TXNRD1: variants seen among roughly 807,000 people sequenced by gnomAD.
The protein encoded by TXNRD1 is thioredoxin reductase 1, cytoplasmic.
A neutral mutation model predicts 80.3 loss-of-function variants in TXNRD1; 57 were observed. The ratio of observed to expected loss-of-function variants is 0.71; its 90% CI spans 0.57 to 0.89. The LOEUF (loss-of-function observed/expected upper bound fraction) is 0.89, where lower values mean the gene tolerates loss of function less well. Among genes scored for constraint, TXNRD1 ranks in the 40% least tolerant of loss-of-function variants. The pLI is 0.00. For synonymous variants in TXNRD1, 291 were observed against 285.2 expected (o/e 1.02, Z -0.20); for missense variants, 730 against 803.0 (o/e 0.91, Z 1.10).
rs567569320 is a variant in TXNRD1 at position 104,296,715 on chromosome 12, G to A, written c.414+7675G>A. Among the ~76,000 whole-genome samples the A allele has an allele frequency of 5.7e-4, 87 of 152,316 alleles. No homozygotes were observed. In the South Asian group the frequency reaches 8.1e-3, roughly 14 times the overall value. The stretch of plus-strand genomic sequence containing the variant: ...TAGGGCCAGAAGAGACTCACTTAAA[G>A]GATTTAGCTCTAAGGTATCTGGTTT... On this transcript the variant is annotated intron_variant, in intron 4 of 16. Transcript: ENST00000525566.
chr12:104,229,143 T>C (rs2032546567), intron 1 of TXNRD1, among the ~76,000 whole-genome samples: 1 of 125,756 alleles, frequency 8.0e-6, no homozygotes, highest in Admixed American at 9.3e-5. Context: ...GCATTACTTT[T>C]CTTTTTTTTT....
chr12:104,241,108 C>T (rs1366196428), intron 1 of TXNRD1, among the ~76,000 whole-genome samples: 8 of 151,280 alleles, frequency 5.3e-5, no homozygotes, highest in Non-Finnish European at 1.0e-4. Context: ...GGCATGGTCT[C>T]GGCTCACTGC....
intron 2 of TXNRD1, 63 bp downstream of exon 2, chr12:104,251,741 A>C: frequency 2.9e-5 from 45 of 1,566,366 alleles, no homozygotes; most frequent in Non-Finnish European, 3.8e-5. Context: ...TTTTGAGCTC[A>C]AATGTAAACA....
At chr12:104,216,624 T>C (rs1292520520) in intron 1 of TXNRD1, among the ~76,000 whole-genome samples, 1 of 152,196 alleles carries the variant, frequency 6.6e-6, no homozygotes, top group Non-Finnish European at 1.5e-5. Context: ...GAGAGATTTA[T>C]CATAAACCCC....
intron 7 of TXNRD1, among the ~76,000 whole-genome samples, chr12:104,317,638 C>T (rs2035377888): frequency 2.0e-5 from 3 of 152,024 alleles, no homozygotes; most frequent in Non-Finnish European, 2.9e-5. Context: ...ACCAGAAGTT[C>T]GAGACTACCT....
In TXNRD1 at chr12:104,318,971, T is replaced by A; in HGVS notation, c.789T>A (p.Asn263Lys). The change falls in exon 8 of 17, where the codon AAT becomes AAA. Residue 263 changes from asparagine (N) to lysine (K), a missense_variant. Coordinates refer to ENST00000525566, the MANE Select transcript of TXNRD1 (RefSeq NM_001093771.3). ...TACAGAATCACATTGGCTCTTTGAA[T>A]TGGGGCTACCGAGTAGCTCTGCGGG... Reference protein sequence around the residue: ...EAVQNHIGSLNWGYRVALREK... With the variant: ...EAVQNHIGSLKWGYRVALREK... The A allele has an allele frequency of 6.2e-7, 1 of 1,613,988 alleles. No individual in the cohort carries two copies. The highest frequency in any genetic ancestry group is 2.2e-5 in the East Asian group (1 of 44,872).
chr12:104,313,299 C>A lies in TXNRD1; in HGVS notation c.592C>A (p.Pro198Thr), dbSNP rs866003550. 1.3e-6 allele frequency: 2 copies of A among 1,590,622 alleles called. No homozygotes were observed. Among genetic ancestry groups the A allele is most frequent in the East Asian group, 2.3e-5 (1 of 44,380 alleles). ...VMVLDFVTPT[P>T]LGTRWGLGGT... ...GGTCCTGGACTTTGTCACTCCCACC[C>A]CTCTTGGAACTAGATGGGGTAAGCT... The change falls in exon 6 of 17, where the codon CCT becomes ACT. Residue 198 changes from proline (P) to threonine (T), a missense_variant. By Grantham distance (38) the Pro-to-Thr change is conservative (BLOSUM62 -1). Coordinates refer to ENST00000525566, the MANE Select transcript of TXNRD1 (RefSeq NM_001093771.3).
At chr12:104,346,653 A>T (rs1393478649) in intron 16 of TXNRD1, among the ~76,000 whole-genome samples, 1 of 151,978 alleles carries the variant, frequency 6.6e-6, no homozygotes, top group African/African-American at 2.4e-5. Flanking sequence ...CCTCATCTGT[A>T]CTCCTACATT....
Position 104,319,499 on chromosome 12 carries a change from T to G in TXNRD1, c.903T>G (p.Ile301Met), listed in dbSNP as rs1261112283. The G allele has an allele frequency of 6.3e-7, 1 of 1,594,536 alleles. No homozygotes were observed. Among genetic ancestry groups the G allele is most frequent in the Non-Finnish European group, 8.5e-7 (1 of 1,170,206 alleles). Residue 301 changes from isoleucine to methionine, a missense_variant, in exon 9 of 17, where the codon ATT becomes ATG. By Grantham distance (10) the Ile-to-Met change is conservative. Coordinates refer to ENST00000525566, the MANE Select transcript of TXNRD1 (RefSeq NM_001093771.3). Reference sequence around the variant, plus strand: ...CAAATAATAAAGGCAAAGAAAAAATTTATTCAGCAGAGAGATTTCTCATTG... The same window carrying G: ...CAAATAATAAAGGCAAAGAAAAAATGTATTCAGCAGAGAGATTTCTCATTG... ...KATNNKGKEK[I>M]YSAERFLIAT...
Position 104,242,997 on chromosome 12 carries a change from C to T in TXNRD1, c.92-8530C>T, listed in dbSNP as rs576172892. On this transcript the variant is annotated intron_variant, in intron 1 of 16. Coordinates refer to ENST00000525566, the MANE Select transcript of TXNRD1 (RefSeq NM_001093771.3). ...TGGGAATTCTTGGCTAGGACCCCAA[C>T]ATAACTAAGGTTTAATCTTAACCTT... is the stretch of plus-strand genomic sequence containing the variant. Among the ~76,000 whole-genome samples, 16 of 152,264 alleles carry T rather than the reference C, an allele frequency of 1.1e-4. No homozygotes were observed. The East Asian group carries it at 2.5e-3, about 24-fold the overall frequency.
chr12:104,336,988 A>G (rs2036160957), intron 15 of TXNRD1, among the ~76,000 whole-genome samples: 2 of 148,592 alleles, frequency 1.3e-5, no homozygotes, highest in Non-Finnish European at 3.1e-5. Flanking sequence ...CAAAAGGTAA[A>G]ACTTTGAAGT....
chr12:104,339,538 C>T (rs12299637), intron 16 of TXNRD1: 1 of 551,536 alleles, frequency 1.8e-6, no homozygotes, highest in African/African-American at 1.9e-5. Context: ...ATCATATCTT[C>T]TAAATTATTT....
Position 104,290,720 on chromosome 12 carries a change from CATATATATATATATATATAT to C in TXNRD1, c.414+1699_414+1718del, listed in dbSNP as rs58669975. Reference sequence around the variant, plus strand: ...TCAAAAAAAAAAAAAAAGAAATATACATATATATATATATATATATATATATATATATATATATGTATATT... The same window carrying C: ...TCAAAAAAAAAAAAAAAGAAATATACATATATATATATATATATGTATATT... On this transcript the variant is annotated intron_variant, in intron 4 of 16. Coordinates refer to ENST00000525566, the MANE Select transcript of TXNRD1 (RefSeq NM_001093771.3). Among the ~76,000 whole-genome samples, 57 of 55,858 alleles carry C rather than the reference CATATATATATATATATATAT, an allele frequency of 1.0e-3. 4 individuals carry two copies. Among genetic ancestry groups the C allele is most frequent in the South Asian group, 3.7e-3 (5 of 1,340 alleles). 36.6% of individuals were successfully genotyped at this position (55,858 alleles called of 152,430 possible).
chr12:104,224,013 C>G (rs1037788410), intron 1 of TXNRD1, among the ~76,000 whole-genome samples: 1 of 152,314 alleles, frequency 6.6e-6, no homozygotes, highest in African/African-American at 2.4e-5. Context: ...TAACCATTCG[C>G]ACTGGATTAG....
chr12:104,301,375 T>A (rs974877593), intron 4 of TXNRD1, among the ~76,000 whole-genome samples: 42 of 152,258 alleles, frequency 2.8e-4, no homozygotes, highest in Admixed American at 2.4e-3. Flanking sequence ...TCTCGCTCTG[T>A]CGCCCAGGCT....
chr12:104,249,149 A>G (rs2033058053), intron 1 of TXNRD1, among the ~76,000 whole-genome samples: 1 of 152,214 alleles, frequency 6.6e-6, no homozygotes. Context: ...GAAGTCCAAG[A>G]TCAAGGTGCC....
intron 1 of TXNRD1, among the ~76,000 whole-genome samples, chr12:104,226,292 A>G (rs2032471366): frequency 6.6e-6 from 1 of 152,222 alleles, no homozygotes; most frequent in African/African-American, 2.4e-5. Context: ...ACGGATGCTG[A>G]AGACAGCCAA....
chr12:104,289,028 T>C lies in TXNRD1; in HGVS notation c.402T>C (p.Gly134=). 1.9e-6 allele frequency: 3 copies of C among 1,613,936 alleles called. No homozygotes were observed. Among genetic ancestry groups the C allele is most frequent in the Non-Finnish European group, 2.5e-6 (3 of 1,179,840 alleles). ...FVKQRKIGGH[G]PTLKAYQEGR... is the part of the protein sequence containing the mutation. ...AACAGAGAAAGATAGGCGGCCATGG[T>C]CCAACCTTGAAGGTAGGAGAGAGTA... Residue 134 remains glycine (G), a synonymous_variant, in exon 4 of 17, where the codon GGT becomes GGC. Transcript: ENST00000525566.
chr12:104,298,303 T>C (rs2034500733), intron 4 of TXNRD1, among the ~76,000 whole-genome samples: 1 of 152,234 alleles, frequency 6.6e-6, no homozygotes, highest in Non-Finnish European at 1.5e-5. Context: ...AGTGTTACTG[T>C]ACACACTTTG....
Sources: allele counts gnomAD v4.1 joint callset (sites outside exome capture counted in the v4.1 genomes callset), GRCh38; gene constraint gnomAD v4.1.1; transcripts MANE v1.5; gene names NCBI Gene and HGNC (gene_info 2026-07-23, HGNC 2026-07-21).